Variants in OCA2 observed in about 807,000 individuals in gnomAD.
OCA2 encodes the protein OCA2 melanosomal transmembrane protein.
Under a neutral mutation model 100.2 loss-of-function variants are expected in OCA2, and 77 were observed. The ratio of observed to expected loss-of-function variants is 0.77; its 90% CI spans 0.64 to 0.93. The LOEUF (loss-of-function observed/expected upper bound fraction) is 0.93, where lower values mean the gene tolerates loss of function less well. OCA2 is among the 40% of genes least tolerant of loss of function. The pLI is 0.00. For missense variants in OCA2, 1,062 were observed against 1,089.1 expected, an observed-to-expected ratio of 0.98 and a Z score of 0.35; for synonymous variants, 432 against 439.2, an observed-to-expected ratio of 0.98 and a Z score of 0.21.
At chr15:28,095,967 G>C (rs1045880960) in intron 1 of OCA2, among the ~76,000 whole-genome samples, 5 of 152,196 alleles carry the variant, frequency 3.3e-5, no homozygotes, top group Admixed American at 6.5e-5. Context: ...TCAGCCCCAA[G>C]GCGTCCCTCT....
chr15:27,993,551 T>C (rs1242904972), intron 9 of OCA2, among the ~76,000 whole-genome samples: 1 of 152,094 alleles, frequency 6.6e-6, no homozygotes, highest in Non-Finnish European at 1.5e-5. Flanking sequence ...AACACACAAA[T>C]GAGCAAACGA....
At chr15:27,990,212 C>A (rs1170889562) in intron 10 of OCA2, among the ~76,000 whole-genome samples, 1 of 152,162 alleles carries the variant, frequency 6.6e-6, no homozygotes, top group African/African-American at 2.4e-5. Context: ...TCAGGACAGA[C>A]CCTGGCCCAA....
At chr15:27,972,857 TA>T (rs369096383) in intron 14 of OCA2, among the ~76,000 whole-genome samples, 65,049 of 142,644 alleles carry the variant, frequency 0.46, 21,349 homozygotes, top group Non-Finnish European at 0.66. Flanking sequence ...TATTTTATTT[TA>T]TTTTATTTTA....
intron 19 of OCA2, among the ~76,000 whole-genome samples, chr15:27,911,741 C>T (rs2140261982): frequency 6.6e-6 from 1 of 152,252 alleles, no homozygotes; most frequent in African/African-American, 2.4e-5. Context: ...CCATGAGGCC[C>T]CACCTTCAAC....
At chr15:27,861,504 G>A (rs2036131062) in intron 21 of OCA2, among the ~76,000 whole-genome samples, 1 of 152,080 alleles carries the variant, frequency 6.6e-6, no homozygotes, top group Non-Finnish European at 1.5e-5. Flanking sequence ...AGGGTTCTGG[G>A]CTTGGAAGAT....
the OCA2 span, among the ~76,000 whole-genome samples, chr15:27,741,126 C>A: frequency 5.5e-4 from 83 of 152,212 alleles, 4 homozygotes; most frequent in Non-Finnish European, 1.5e-5. Context: ...GGCCTCTAAC[C>A]CTCACCAAGA....
At chr15:28,063,751 A>G (rs1371092072) in intron 2 of OCA2, among the ~76,000 whole-genome samples, 1 of 152,178 alleles carries the variant, frequency 6.6e-6, no homozygotes, top group East Asian at 1.9e-4. Context: ...TACACATTGT[A>G]TATCCTTTAA....
chr15:28,080,449 G>A (rs2044583929), intron 2 of OCA2, among the ~76,000 whole-genome samples: 1 of 152,220 alleles, frequency 6.6e-6, no homozygotes, highest in Non-Finnish European at 1.5e-5. Flanking sequence ...ACGAATGAAC[G>A]AGAGCTACAG....
intron 2 of OCA2, among the ~76,000 whole-genome samples, chr15:28,051,015 G>A (rs1228479158): frequency 6.6e-6 from 1 of 152,198 alleles, no homozygotes; most frequent in East Asian, 1.9e-4. Context: ...CCTGCACAGG[G>A]CATGGTGACT....
the OCA2 span, among the ~76,000 whole-genome samples, chr15:27,737,816 T>C: frequency 7.9e-5 from 12 of 152,190 alleles, no homozygotes; most frequent in Non-Finnish European, 2.9e-5. Flanking sequence ...CAGTCATTGA[T>C]CCAGAGTAGT....
At chr15:28,076,618 C>T (rs1322958455) in intron 2 of OCA2, among the ~76,000 whole-genome samples, 2 of 151,744 alleles carry the variant, frequency 1.3e-5, no homozygotes, top group African/African-American at 2.4e-5. Flanking sequence ...GAGGCCGAGG[C>T]GGGTGGATCA....
At chr15:27,774,352 C>G (rs900796182) in intron 23 of OCA2, among the ~76,000 whole-genome samples, 1 of 152,204 alleles carries the variant, frequency 6.6e-6, no homozygotes, top group Admixed American at 6.5e-5. Flanking sequence ...GGCCTTCAGG[C>G]CCCCCGCGTT....
chr15:28,057,669 C>T (rs547300860), intron 2 of OCA2, among the ~76,000 whole-genome samples: 4 of 152,304 alleles, frequency 2.6e-5, no homozygotes, highest in South Asian at 2.1e-4. Context: ...ATCGAGCACT[C>T]GCTTGGCCAG....
At chr15:28,063,816 T>G (rs1006342915) in intron 2 of OCA2, among the ~76,000 whole-genome samples, 1 of 152,186 alleles carries the variant, frequency 6.6e-6, no homozygotes, top group Non-Finnish European at 1.5e-5. Context: ...GATGGTAGAA[T>G]GAAGGAGTTG....
intron 18 of OCA2, among the ~76,000 whole-genome samples, chr15:27,943,279 T>C (rs2039713718): frequency 6.6e-6 from 1 of 152,154 alleles, no homozygotes; most frequent in South Asian, 2.1e-4. Flanking sequence ...CTCACCAGCA[T>C]TCACATTAAA....
At chr15:27,846,424 C>T (rs1206359772) in intron 22 of OCA2, among the ~76,000 whole-genome samples, 1 of 152,176 alleles carries the variant, frequency 6.6e-6, no homozygotes, top group Non-Finnish European at 1.5e-5. Context: ...CACCCTAAAC[C>T]CTACTAACTC....
At chr15:28,041,947 G>A (rs1195684153) in intron 2 of OCA2, among the ~76,000 whole-genome samples, 2 of 152,146 alleles carry the variant, frequency 1.3e-5, no homozygotes, top group African/African-American at 4.8e-5. Flanking sequence ...AGAGGCATGC[G>A]TACACATACA....
chr15:27,880,170 G>A (rs562172997), intron 19 of OCA2, among the ~76,000 whole-genome samples: 18 of 152,136 alleles, frequency 1.2e-4, no homozygotes, highest in South Asian at 2.1e-4. Context: ...GTAGATGTGC[G>A]GTCTTATTTC....
chr15:27,817,144 T>C (rs950204621), intron 23 of OCA2, among the ~76,000 whole-genome samples: 11 of 152,186 alleles, frequency 7.2e-5, no homozygotes, highest in African/African-American at 2.7e-4. Context: ...GTCTGTATTT[T>C]TCGCCTTCTT....
Sources: allele counts gnomAD v4.1 joint callset (sites outside exome capture counted in the v4.1 genomes callset), GRCh38; gene constraint gnomAD v4.1.1; transcripts MANE v1.5; gene names NCBI Gene and HGNC (gene_info 2026-07-23, HGNC 2026-07-21).